DGKB: variants seen among roughly 807,000 people sequenced by gnomAD.
DGKB encodes the protein 90 kDa diacylglycerol kinase.
Under a neutral mutation model 114.3 loss-of-function variants are expected in DGKB, and 67 were observed. The ratio of observed to expected loss-of-function variants is 0.59; its 90% CI spans 0.48 to 0.72. DGKB has a LOEUF of 0.72. DGKB is among the 30% of genes least tolerant of loss of function. The pLI, the probability that DGKB is intolerant of heterozygous loss-of-function variation, is 0.00. For missense variants in DGKB, 907 were observed against 975.2 expected (o/e 0.93, Z 0.93); for synonymous variants, 398 against 323.1 (o/e 1.23, Z -2.49).
chr7:14,843,724 T>C (rs1349573060), intron 1 of DGKB, among the ~76,000 whole-genome samples: 1 of 152,236 alleles, frequency 6.6e-6, no homozygotes. Flanking sequence ...ATAACAACGG[T>C]TTATTTGTTT....
chr7:14,656,356 T>C (rs1815782895), intron 13 of DGKB, among the ~76,000 whole-genome samples: 1 of 151,592 alleles, frequency 6.6e-6, no homozygotes, highest in Admixed American at 6.6e-5. Context: ...TTTTAGAAGA[T>C]TTCTACCTAT....
chr7:14,851,271 C>T (rs1849311928), intron 1 of DGKB, among the ~76,000 whole-genome samples: 1 of 151,964 alleles, frequency 6.6e-6, no homozygotes, highest in Admixed American at 6.6e-5. Flanking sequence ...TTTGGTGATG[C>T]AAAAGAGGAA....
At chr7:14,231,317 T>C (rs1316987865) in intron 23 of DGKB, among the ~76,000 whole-genome samples, 1 of 151,790 alleles carries the variant, frequency 6.6e-6, no homozygotes, top group Admixed American at 6.6e-5. Flanking sequence ...TTAAAATCTT[T>C]TGTAGAGACA....
intron 1 of DGKB, among the ~76,000 whole-genome samples, chr7:14,908,729 A>G (rs945635175): frequency 6.6e-6 from 1 of 152,172 alleles, no homozygotes; most frequent in Non-Finnish European, 1.5e-5. Context: ...TAACTTCTAT[A>G]AAGACAGGTA....
Position 14,641,262 on chromosome 7 carries a change from GATTTGGTTT to G in DGKB, c.1135-11003_1135-10995del, listed in dbSNP as rs1442207906. On this transcript the variant is annotated intron_variant, in intron 13 of 25. Transcript: ENST00000402815. ...ATAGGGATTTGGTTTACAATATAGGGATTTGGTTTACAATATAGGGATTTGGTTTACAAT... is the reference window on the plus strand; with the variant it reads ...ATAGGGATTTGGTTTACAATATAGGGACAATATAGGGATTTGGTTTACAAT... Among the ~76,000 whole-genome samples the G allele has an allele frequency of 4.4e-4, 11 of 25,018 alleles. 1 individual carries two copies. The highest frequency in any genetic ancestry group is 1.2e-3 in the African/African-American group (11 of 9,200). The allele number at this position is 25,018 out of a possible 152,430, so 16.4% of individuals were successfully genotyped here.
intron 20 of DGKB, among the ~76,000 whole-genome samples, chr7:14,513,723 C>G (rs1397937665): frequency 6.6e-6 from 1 of 151,820 alleles, no homozygotes; most frequent in Non-Finnish European, 1.5e-5. Context: ...TATGTAGGAA[C>G]TATATGTTGT....
chr7:14,343,718 A>G (rs1407016298), intron 22 of DGKB, among the ~76,000 whole-genome samples: 1 of 151,346 alleles, frequency 6.6e-6, no homozygotes, highest in Non-Finnish European at 1.5e-5. Flanking sequence ...GTATTTGAGC[A>G]TAATTTTTGA....
chr7:14,656,492 G>T (rs1374690749), intron 13 of DGKB, among the ~76,000 whole-genome samples: 1 of 151,318 alleles, frequency 6.6e-6, no homozygotes. Context: ...GAACTCCTGT[G>T]TGTCAAGAGT....
chr7:14,392,344 A>G (rs1213851970), intron 21 of DGKB, among the ~76,000 whole-genome samples: 1 of 152,192 alleles, frequency 6.6e-6, no homozygotes, highest in Non-Finnish European at 1.5e-5. Flanking sequence ...GGTTGCCAAC[A>G]CAAAAAGGTA....
intron 4 of DGKB, among the ~76,000 whole-genome samples, chr7:14,743,325 A>G (rs1015232723): frequency 1.3e-5 from 2 of 152,216 alleles, no homozygotes; most frequent in African/African-American, 2.4e-5. Context: ...AAGACAGGAG[A>G]CAAACTGTTT....
intron 2 of DGKB, among the ~76,000 whole-genome samples, chr7:14,758,928 G>GATAGATAGATAGATAGATAAC (rs376591211): frequency 8.8e-5 from 13 of 146,958 alleles, no homozygotes; most frequent in African/African-American, 3.0e-4. Context: ...TAGATAGATA[G>GATAGATAGATAGATAGATAAC]ATAGATACAT....
At chr7:14,830,103 G>C (rs1404234601) in intron 2 of DGKB, among the ~76,000 whole-genome samples, 3 of 152,014 alleles carry the variant, frequency 2.0e-5, no homozygotes, top group Non-Finnish European at 4.4e-5. Context: ...AAAGTAAAAT[G>C]TGCCCTCCAG....
chr7:14,710,266 T>C (rs1353576211), intron 6 of DGKB, among the ~76,000 whole-genome samples: 2 of 152,072 alleles, frequency 1.3e-5, no homozygotes. Context: ...TATTTAAAAA[T>C]TTTGATTTGA....
At chr7:14,410,428 T>C (rs1824673893) in intron 21 of DGKB, among the ~76,000 whole-genome samples, 1 of 152,098 alleles carries the variant, frequency 6.6e-6, no homozygotes, top group South Asian at 2.1e-4. Context: ...CTAAGACATT[T>C]TTATTCAGCA....
intron 2 of DGKB, among the ~76,000 whole-genome samples, chr7:14,822,043 A>G (rs1845016291): frequency 6.6e-6 from 1 of 152,200 alleles, no homozygotes; most frequent in Non-Finnish European, 1.5e-5. Context: ...CAAATTAAAA[A>G]TGCAATAGCC....
At chr7:14,516,396 A>G (rs762716512) in intron 20 of DGKB, among the ~76,000 whole-genome samples, 4 of 152,178 alleles carry the variant, frequency 2.6e-5, no homozygotes, top group Admixed American at 6.5e-5. Flanking sequence ...GAAGGGTTCA[A>G]TGTACTTTCC....
chr7:14,454,711 T>C lies in DGKB; in HGVS notation c.1835+23450A>G, dbSNP rs1832025934. The stretch of plus-strand genomic sequence containing the variant: ...AATATTTCTGACACATCTTTGTAAA[T>C]CCCAGAGAGTTACTGGACCCCTGCA... On this transcript the variant is annotated intron_variant, in intron 21 of 25. Transcript: ENST00000402815. 2.6e-5 allele frequency among the ~76,000 whole-genome samples: 4 copies of C among 151,992 alleles called. No individual in the cohort carries two copies. In the South Asian group the frequency reaches 8.3e-4, roughly 32 times the overall value.
rs59367496 is a variant in DGKB, at chr7:14,845,106, C to CA, written c.-187-3657dup. 4.8e-3 allele frequency among the ~76,000 whole-genome samples: 424 copies of CA among 89,170 alleles called. 8 individuals are homozygous for CA. Among genetic ancestry groups the CA allele is most frequent in the Non-Finnish European group, 7.4e-3 (333 of 45,214 alleles). 58.5% of individuals were successfully genotyped at this position (89,170 alleles called of 152,430 possible). On this transcript the variant is annotated intron_variant, in intron 1 of 25. Transcript: ENST00000402815. ...TCAGTGACAGAGCAAGGCCCTGTGT[C>CA]AAAAAAAAAAAAAAAAAAAAAAAAA... is the stretch of plus-strand genomic sequence containing the variant.
At chr7:14,529,658 A>G (rs1367492503) in intron 20 of DGKB, among the ~76,000 whole-genome samples, 2 of 151,804 alleles carry the variant, frequency 1.3e-5, no homozygotes, top group African/African-American at 4.8e-5. Flanking sequence ...AGAAATGATA[A>G]TGCTCTCAAA....
Sources: allele counts gnomAD v4.1 joint callset (sites outside exome capture counted in the v4.1 genomes callset), GRCh38; gene constraint gnomAD v4.1.1; transcripts MANE v1.5; gene names NCBI Gene and HGNC (gene_info 2026-07-23, HGNC 2026-07-21).